Variants in ZNF385D observed in about 807,000 individuals in gnomAD.
ZNF385D encodes the protein zinc finger protein 385D.
ZNF385D carries 15 observed loss-of-function variants against 35.8 expected under a neutral mutation model. That is an observed-to-expected ratio of 0.42 (90% CI 0.28 to 0.64). ZNF385D has a LOEUF of 0.64. Among genes scored for constraint, ZNF385D ranks in the 30% least tolerant of loss-of-function variants. ZNF385D has a pLI of 0.23. For synonymous variants in ZNF385D, 212 were observed against 186.8 expected (o/e 1.13, Z -1.10); for missense variants, 474 against 494.6 (o/e 0.96, Z 0.39).
chr3:21,542,293 G>T (rs1033537782), intron 3 of ZNF385D, among the ~76,000 whole-genome samples: 1 of 151,532 alleles, frequency 6.6e-6, no homozygotes, highest in African/African-American at 2.4e-5. Context: ...TCAAAATGCA[G>T]AAATTATGAA....
intron 3 of ZNF385D, among the ~76,000 whole-genome samples, chr3:21,889,446 T>A (rs259532): frequency 2.5e-4 from 38 of 151,962 alleles, no homozygotes; most frequent in African/African-American, 8.2e-4. Flanking sequence ...TCCCCAGTGA[T>A]AGCACCCAGT....
intron 2 of ZNF385D, among the ~76,000 whole-genome samples, chr3:22,279,493 T>C (rs1430623856): frequency 7.1e-6 from 1 of 140,102 alleles, no homozygotes; most frequent in Admixed American, 7.0e-5. Context: ...ATATGGAATA[T>C]ACATATGTAC....
intron 2 of ZNF385D, among the ~76,000 whole-genome samples, chr3:22,195,505 C>A (rs1696353282): frequency 1.3e-5 from 2 of 151,894 alleles, no homozygotes; most frequent in Admixed American, 6.6e-5. Flanking sequence ...TTTTCCTGAT[C>A]CAGTTCATAA....
intron 3 of ZNF385D, among the ~76,000 whole-genome samples, chr3:22,043,409 G>A (rs1017724212): frequency 6.6e-6 from 1 of 152,084 alleles, no homozygotes; most frequent in Non-Finnish European, 1.5e-5. Flanking sequence ...CATAGGCATA[G>A]ATACAAACTG....
intron 6 of ZNF385D, among the ~76,000 whole-genome samples, chr3:21,424,330 T>A (rs1411185200): frequency 7.5e-6 from 1 of 134,176 alleles, no homozygotes; most frequent in African/African-American, 2.7e-5. Context: ...TTTTTTTTTT[T>A]TTGAGATGGA....
In ZNF385D at chr3:22,131,512, G is replaced by A. The variant is rs560127495; in HGVS notation, c.325+37305C>T. 5.3e-5 allele frequency among the ~76,000 whole-genome samples: 8 copies of A among 152,234 alleles called. No homozygotes were observed. In the South Asian group the frequency reaches 1.7e-3, roughly 32 times the overall value. On this transcript the variant is annotated intron_variant, in intron 3 of 5. Coordinates refer to the ZNF385D transcript ENST00000494108. ...TAAAAGAATAGTGTATTTTCATATT[G>A]ATGAGAAATACCCAGTAGAGAATGA...
chr3:22,083,392 C>T (rs1304450869), intron 3 of ZNF385D, among the ~76,000 whole-genome samples: 1 of 152,144 alleles, frequency 6.6e-6, no homozygotes, highest in Non-Finnish European at 1.5e-5. Context: ...CCTTAAATGA[C>T]CTGATGGAGC....
Position 21,539,651 on chromosome 3 carries a change from GTTTC to G in ZNF385D, c.276+24919_276+24922del, listed in dbSNP as rs1479958032. ...ACAAAATACAAGAAAGAGAAAAATA[GTTTC>G]TTTATGGAATACACAAAGAATATAT... On this transcript the variant is annotated intron_variant, in intron 3 of 7. Transcript: ENST00000281523. This position sits in a 1 kb window ranked among gnomAD's most constrained non-coding sequence, Gnocchi z 4.0. Among the ~76,000 whole-genome samples the G allele has an allele frequency of 4.0e-5, 6 of 151,866 alleles. No homozygotes were observed. Among genetic ancestry groups the G allele is most frequent in the East Asian group, 1.9e-4 (1 of 5,180 alleles).
Position 22,252,978 on chromosome 3 carries a change from T to C in ZNF385D, c.107-83943A>G, listed in dbSNP as rs536129541. On this transcript the variant is annotated intron_variant, in intron 2 of 5. Transcript: ENST00000494108. ...TCTTTTAAAACCCAGCATGACAGAG[T>C]AGTATCTATTCCCATGAAGATGATT... Among the ~76,000 whole-genome samples, 8 of 152,128 alleles carry C rather than the reference T, an allele frequency of 5.3e-5. No individual in the cohort carries two copies. The South Asian group carries it at 1.0e-3, about 20-fold the overall frequency.
At chr3:21,610,729 C>T (rs1480963298) in intron 2 of ZNF385D, among the ~76,000 whole-genome samples, 2 of 151,480 alleles carry the variant, frequency 1.3e-5, no homozygotes, top group Non-Finnish European at 2.9e-5. Flanking sequence ...GAGCCGAGAT[C>T]GCGCCACTGC....
chr3:21,780,386 C>T (rs1374836074), intron 3 of ZNF385D, among the ~76,000 whole-genome samples: 1 of 151,960 alleles, frequency 6.6e-6, no homozygotes, highest in African/African-American at 2.4e-5. Flanking sequence ...GAGTTTTCCC[C>T]TGACATTTTC....
chr3:21,560,012 C>T (rs894944021), intron 3 of ZNF385D, among the ~76,000 whole-genome samples: 11 of 152,118 alleles, frequency 7.2e-5, no homozygotes, highest in African/African-American at 2.4e-4. Context: ...TCCATCACGT[C>T]GTTTATGTTC....
At chr3:21,527,259 C>A (rs1375936079) in intron 3 of ZNF385D, among the ~76,000 whole-genome samples, 1 of 152,044 alleles carries the variant, frequency 6.6e-6, no homozygotes, top group East Asian at 1.9e-4. Context: ...GTTACAGTAA[C>A]CACTGTCTTC....
intron 3 of ZNF385D, among the ~76,000 whole-genome samples, chr3:21,890,882 T>A (rs996780735): frequency 6.6e-6 from 1 of 152,166 alleles, no homozygotes; most frequent in Non-Finnish European, 1.5e-5. Context: ...CAAACCACAT[T>A]GGTTGTACGA....
chr3:21,822,235 C>A (rs1694295832), intron 3 of ZNF385D, among the ~76,000 whole-genome samples: 1 of 151,884 alleles, frequency 6.6e-6, no homozygotes, highest in South Asian at 2.1e-4. Flanking sequence ...CCACGCCTGG[C>A]TAATTTTTTT....
At chr3:22,254,624 C>T (rs1260098526) in intron 2 of ZNF385D, among the ~76,000 whole-genome samples, 1 of 151,682 alleles carries the variant, frequency 6.6e-6, no homozygotes, top group Non-Finnish European at 1.5e-5. Flanking sequence ...AAGTACTGAA[C>T]CCTGTATATT....
intron 3 of ZNF385D, among the ~76,000 whole-genome samples, chr3:21,548,110 G>T (rs2125587692): frequency 6.6e-6 from 1 of 152,260 alleles, no homozygotes; most frequent in East Asian, 1.9e-4. Context: ...GCCTTGCAGA[G>T]GAGCCCCATT....
chr3:21,946,123 T>C (rs1292989745), intron 3 of ZNF385D, among the ~76,000 whole-genome samples: 1 of 152,200 alleles, frequency 6.6e-6, no homozygotes, highest in Non-Finnish European at 1.5e-5. Flanking sequence ...CATACACCGG[T>C]GAACCACAAA....
chr3:22,313,239 G>C (rs1373791728), intron 2 of ZNF385D, among the ~76,000 whole-genome samples: 1 of 147,128 alleles, frequency 6.8e-6, no homozygotes, highest in East Asian at 2.0e-4. Flanking sequence ...TCACACACCA[G>C]GGACTGTTGT....
Sources: allele counts gnomAD v4.1 joint callset (sites outside exome capture counted in the v4.1 genomes callset), GRCh38; gene constraint gnomAD v4.1.1; non-coding constraint Gnocchi (gnomAD v3.1); transcripts MANE v1.5; gene names NCBI Gene and HGNC (gene_info 2026-07-23, HGNC 2026-07-21).